The following KCNJ18 variants were observed in gnomAD, a reference collection of about 807,000 sequenced individuals.
KCNJ18 encodes potassium inwardly rectifying channel subfamily J member 18.
A neutral mutation model predicts 17.3 loss-of-function variants in KCNJ18; 16 were observed. The ratio of observed to expected loss-of-function variants is 0.92; its 90% CI spans 0.62 to 1.40. The LOEUF (loss-of-function observed/expected upper bound fraction) is 1.40. KCNJ18 is among the 40% of genes most tolerant of loss of function. The pLI is 0.00. For synonymous variants in KCNJ18, 185 were observed against 262.6 expected, an observed-to-expected ratio of 0.70 and a Z score of 2.86; for missense variants, 462 against 626.8, an observed-to-expected ratio of 0.74 and a Z score of 2.81.
chr17:21,699,177 GT>G (rs1905858041), intron 2 of KCNJ18, among the ~76,000 whole-genome samples: 1 of 152,172 alleles, frequency 6.6e-6, no homozygotes, highest in South Asian at 2.1e-4. Context: ...CAGCAAAACA[GT>G]TTCTCTGATT....
At chr17:21,694,060 T>G (rs2142266144) in intron 1 of KCNJ18, among the ~76,000 whole-genome samples, 1 of 152,140 alleles carries the variant, frequency 6.6e-6, no homozygotes, top group East Asian at 1.9e-4. Context: ...TCACACAGCT[T>G]ATGAGGGGCA....
intron 2 of KCNJ18, among the ~76,000 whole-genome samples, chr17:21,696,940 G>A (rs1905776529): frequency 6.6e-6 from 1 of 152,244 alleles, no homozygotes; most frequent in Non-Finnish European, 1.5e-5. Flanking sequence ...AATGAGGTGA[G>A]AAAGAGAAGG....
chr17:21,703,232 G>C lies in KCNJ18; in HGVS notation c.446G>C (p.Arg149Pro). 6.2e-7 allele frequency: 1 copy of C among 1,611,252 alleles called. No homozygotes were observed. Among genetic ancestry groups the C allele is most frequent in the South Asian group, 1.1e-5 (1 of 90,992 alleles). Residue 149 changes from arginine (R) to proline (P), a missense_variant, in exon 3 of 3, where the codon CGC becomes CCC. This residue lies in a region of KCNJ18 where 237 missense variants were observed against 259.4 expected (regional missense o/e 0.91). Coordinates refer to ENST00000567955, the MANE Select transcript of KCNJ18 (RefSeq NM_001194958.2). ...ETQTTIGYGL[R>P]CVTEECLVAV... ...CAGACCACCATCGGCTACGGGCTGC[G>C]CTGTGTGACGGAGGAGTGCCTGGTG...
At chr17:21,701,373 C>T (rs1337332749) in intron 2 of KCNJ18, among the ~76,000 whole-genome samples, 29 of 152,342 alleles carry the variant, frequency 1.9e-4, no homozygotes, top group African/African-American at 2.6e-4. Context: ...GCCCAGGTGC[C>T]AGGGTAGCAG....
Position 21,703,923 on chromosome 17 carries a change from C to T in KCNJ18, c.1137C>T (p.Asn379=), listed in dbSNP as rs1370611102. 1.9e-5 allele frequency: 31 copies of T among 1,611,616 alleles called. No individual in the cohort carries two copies. The highest frequency in any genetic ancestry group is 2.4e-5 in the Non-Finnish European group (28 of 1,180,014). The change falls in exon 3 of 3, where the codon AAC becomes AAT. Residue 379 remains asparagine, a synonymous_variant. Coordinates refer to ENST00000567955, the MANE Select transcript of KCNJ18 (RefSeq NM_001194958.2). ...LPSANSFCYE[N]ELAFLSRDEE... ...GTGCCAACTCCTTCTGCTATGAGAA[C>T]GAGCTGGCCTTCCTGAGCCGTGACG...
chr17:21,697,679 T>C (rs1905804526), intron 2 of KCNJ18, among the ~76,000 whole-genome samples: 1 of 152,310 alleles, frequency 6.6e-6, no homozygotes, highest in Admixed American at 6.5e-5. Flanking sequence ...GGGCCTGGCA[T>C]GAGGGAGAGC....
chr17:21,697,447 ATCT>A (rs1170290460), intron 2 of KCNJ18, among the ~76,000 whole-genome samples: 1 of 152,306 alleles, frequency 6.6e-6, no homozygotes, highest in Non-Finnish European at 1.5e-5. Context: ...AGAGGTCATC[ATCT>A]TCTTCCCAGA....
At chr17:21,699,779 G>A (rs1812551413) in intron 2 of KCNJ18, among the ~76,000 whole-genome samples, 5 of 152,424 alleles carry the variant, frequency 3.3e-5, no homozygotes, top group South Asian at 2.1e-4. Context: ...AGAGATGCCA[G>A]GAGCTGTGGC....
chr17:21,698,434 C>A (rs1469820767), intron 2 of KCNJ18, among the ~76,000 whole-genome samples: 4 of 152,002 alleles, frequency 2.6e-5, no homozygotes, highest in Non-Finnish European at 4.4e-5. Context: ...CCTCATGAGG[C>A]GCCCTAGCTA....
intron 2 of KCNJ18, among the ~76,000 whole-genome samples, 193 bp downstream of exon 2, chr17:21,696,297 T>A (rs1217720172): frequency 1.3e-5 from 2 of 148,530 alleles, no homozygotes; most frequent in African/African-American, 4.9e-5. Flanking sequence ...GCCCATGCCA[T>A]CCGTTCCTCA....
intron 1 of KCNJ18, among the ~76,000 whole-genome samples, chr17:21,692,946 AG>A (rs1296300450): frequency 1.3e-5 from 2 of 152,310 alleles, no homozygotes; most frequent in Non-Finnish European, 2.9e-5. Context: ...AGCCTCAGGA[AG>A]GGGAAGTGCC....
chr17:21,702,541 TGGGGGCCCGAAG>T (rs1905994535), intron 2 of KCNJ18, among the ~76,000 whole-genome samples, 178 bp from the exon 3 acceptor site: 1 of 152,120 alleles, frequency 6.6e-6, no homozygotes, highest in Non-Finnish European at 1.5e-5. Flanking sequence ...CTGGAGCTGC[TGGGGGCCCGAAG>T]GGGGTGGCCA....
At chr17:21,699,859 G>T (rs1367412159) in intron 2 of KCNJ18, among the ~76,000 whole-genome samples, 2 of 152,280 alleles carry the variant, frequency 1.3e-5, no homozygotes, top group Admixed American at 1.3e-4. Flanking sequence ...TGCAGACCGG[G>T]CTCTCTGGCC....
intron 2 of KCNJ18, among the ~76,000 whole-genome samples, chr17:21,698,412 G>A (rs1237897024): frequency 1.6e-3 from 245 of 152,178 alleles, no homozygotes; most frequent in African/African-American, 5.6e-3. Flanking sequence ...GATACTGAGT[G>A]CTGTGTTCGT....
rs1210154287 is a variant in KCNJ18 at position 21,698,785 on chromosome 17, T to C, written c.-57+2681T>C. ...GCCCTGGTCTGTTCTTCAAGTGGAC[T>C]GGTCGCTGGGAGGCTGCGTCTGTAG... On this transcript the variant is annotated intron_variant, in intron 2 of 2. Transcript: ENST00000567955. Among the ~76,000 whole-genome samples, 11 of 152,296 alleles carry C rather than the reference T, an allele frequency of 7.2e-5. No individual in the cohort carries two copies. The East Asian group carries it at 1.9e-3, about 27-fold the overall frequency.
Position 21,701,837 on chromosome 17 carries a change from G to A in KCNJ18, c.-56-894G>A, listed in dbSNP as rs1905963436. ...GAGGCAGGAGAATCGCTTGAACCTAGGAGGCGGAGATGGCAGTGAGCTGAA... is the reference window on the plus strand; with the variant it reads ...GAGGCAGGAGAATCGCTTGAACCTAAGAGGCGGAGATGGCAGTGAGCTGAA... On this transcript the variant is annotated intron_variant, in intron 2 of 2. Coordinates refer to ENST00000567955, the MANE Select transcript of KCNJ18 (RefSeq NM_001194958.2). 2.6e-5 allele frequency among the ~76,000 whole-genome samples: 4 copies of A among 152,394 alleles called. No homozygotes were observed. The East Asian group carries it at 7.7e-4, about 29-fold the overall frequency.
Position 21,703,904 on chromosome 17 carries a change from A to T in KCNJ18, c.1118A>T (p.Asn373Ile), listed in dbSNP as rs1779758189. The change falls in exon 3 of 3, where the codon AAC becomes ATC. Residue 373 changes from asparagine (N) to isoleucine (I), a missense_variant. Physicochemically the swap from Asn to Ile is moderately radical, Grantham distance 149. Around this residue, in one of 5 missense-constraint regions of KCNJ18, gnomAD observed 123 missense variants for 117.5 expected, o/e 1.05. Coordinates refer to ENST00000567955, the MANE Select transcript of KCNJ18 (RefSeq NM_001194958.2). The part of the protein sequence containing the change: ...VENKFLLPSA[N>I]SFCYENELAF... Reference sequence around the variant, plus strand: ...AACAAGTTCCTGCTGCCCAGTGCCAACTCCTTCTGCTATGAGAACGAGCTG... The same window carrying T: ...AACAAGTTCCTGCTGCCCAGTGCCATCTCCTTCTGCTATGAGAACGAGCTG... The T allele has an allele frequency of 3.1e-6, 5 of 1,612,586 alleles. No homozygotes were observed. The highest frequency in any genetic ancestry group is 1.3e-5 in the African/African-American group (1 of 74,952).
Position 21,702,840 on chromosome 17 carries a change from C to T in KCNJ18, c.54C>T (p.Asp18=), listed in dbSNP as rs1290592184. Reference sequence around the variant, plus strand: ...ACAGCATCGTGTCATTGGAGGAGGACGGGCTGCACCTGGTCACCATGTCGG... The same window carrying T: ...ACAGCATCGTGTCATTGGAGGAGGATGGGCTGCACCTGGTCACCATGTCGG... ...NPYSIVSLEE[D]GLHLVTMSGA... is the part of the protein sequence containing the mutation. Residue 18 remains aspartate (D), a synonymous_variant, in exon 3 of 3, where the codon GAC becomes GAT. Transcript: ENST00000567955. 29 of 1,598,738 alleles carry T rather than the reference C, an allele frequency of 1.8e-5. No individual in the cohort carries two copies. The highest frequency in any genetic ancestry group is 6.7e-5 in the South Asian group (6 of 90,038).
intron 2 of KCNJ18, among the ~76,000 whole-genome samples, chr17:21,699,983 C>G (rs1567787066): frequency 6.6e-6 from 1 of 152,412 alleles, no homozygotes; most frequent in South Asian, 2.1e-4. Context: ...AAATCCAGCC[C>G]CTGTCAGCTG....
Sources: allele counts gnomAD v4.1 joint callset (sites outside exome capture counted in the v4.1 genomes callset), GRCh38; gene constraint gnomAD v4.1.1; regional missense constraint gnomAD v4.1.1; transcripts MANE v1.5; gene names NCBI Gene and HGNC (gene_info 2026-07-23, HGNC 2026-07-21).